VPS36: variants seen among roughly 807,000 people sequenced by gnomAD.
VPS36 encodes the protein vacuolar protein sorting 36 homolog.
Under a neutral mutation model 63.5 loss-of-function variants are expected in VPS36, and 31 were observed. The ratio of observed to expected loss-of-function variants is 0.49; its 90% confidence interval spans 0.37 to 0.66. The LOEUF (loss-of-function observed/expected upper bound fraction) is 0.66. VPS36 is among the 30% of genes least tolerant of loss of function. The pLI is 0.00. For synonymous variants in VPS36, 138 were observed against 157.2 expected (o/e 0.88, Z 0.91); for missense variants, 338 against 463.7 (o/e 0.73, Z 2.49).
At position 52,444,328 on chromosome 13, in the gene VPS36, C is replaced by T. The variant is rs550321305; in HGVS notation, c.97-1883G>A. Among the ~76,000 whole-genome samples, 17 of 151,796 alleles carry T rather than the reference C, an allele frequency of 1.1e-4. No individual in the cohort carries two copies. In the South Asian group the frequency reaches 2.7e-3, roughly 24 times the overall value. ...ACAAAAAATTAGCCACGTGTGGTGG[C>T]GGGTGCCTGTAGTCCCAGCTACTCG... On this transcript the variant is annotated intron_variant, in intron 1 of 13. Transcript: ENST00000378060.
intron 2 of VPS36, among the ~76,000 whole-genome samples, chr13:52,442,012 C>T (rs964018225): frequency 2.0e-5 from 3 of 152,174 alleles, no homozygotes; most frequent in Non-Finnish European, 4.4e-5. Context: ...CATGATTCTC[C>T]ATCCAGTAAC....
chr13:52,428,593 T>C (rs1958126383), intron 6 of VPS36, among the ~76,000 whole-genome samples: 1 of 152,236 alleles, frequency 6.6e-6, no homozygotes, highest in African/African-American at 2.4e-5. Context: ...AAACCCTTTG[T>C]GAGAAACTCT....
chr13:52,433,764 G>T lies in VPS36; in HGVS notation c.442-16C>A. 1 of 1,574,500 alleles carries T rather than the reference G, an allele frequency of 6.4e-7. No individual in the cohort carries two copies. Among genetic ancestry groups the T allele is most frequent in the Non-Finnish European group, 8.6e-7 (1 of 1,162,936 alleles). ...TTCTTCCTGGCTGAAAAAAAAAAGAGGTAGAAAATAAAACATACAAAATAG... is the reference window on the plus strand; with the variant it reads ...TTCTTCCTGGCTGAAAAAAAAAAGATGTAGAAAATAAAACATACAAAATAG... On this transcript the variant is annotated splice_polypyrimidine_tract_variant and intron_variant, in intron 5 of 13. Transcript: ENST00000378060.
intron 8 of VPS36, 139 bp downstream of exon 8, chr13:52,426,850 G>A (rs1958106530): frequency 1.7e-6 from 1 of 579,196 alleles, no homozygotes; most frequent in African/African-American, 2.0e-5. Context: ...GCGACACTCC[G>A]TCTCATAAAT....
intron 6 of VPS36, among the ~76,000 whole-genome samples, chr13:52,431,831 G>C (rs1958161834): frequency 6.6e-6 from 1 of 151,340 alleles, no homozygotes; most frequent in Non-Finnish European, 1.5e-5. Flanking sequence ...TTCCGGATCT[G>C]AGGCAGGAAA....
At chr13:52,434,180 G>A (rs745434031) in intron 5 of VPS36, among the ~76,000 whole-genome samples, 8 of 152,066 alleles carry the variant, frequency 5.3e-5, no homozygotes, top group Non-Finnish European at 1.2e-4. Context: ...AGACAGGCCT[G>A]GAAAACATTA....
At chr13:52,441,277 T>C (rs1435152480) in intron 2 of VPS36, among the ~76,000 whole-genome samples, 2 of 152,156 alleles carry the variant, frequency 1.3e-5, no homozygotes, top group Non-Finnish European at 1.5e-5. Context: ...CAGTATATAG[T>C]TTATTTGTGG....
At chr13:52,418,889 C>G (rs1439951236) in intron 10 of VPS36, among the ~76,000 whole-genome samples, 1 of 152,168 alleles carries the variant, frequency 6.6e-6, no homozygotes, top group Non-Finnish European at 1.5e-5. Flanking sequence ...AGCTTTCAGT[C>G]CCACAGGATG....
chr13:52,425,087 A>C (rs1007199558), intron 9 of VPS36, among the ~76,000 whole-genome samples: 1 of 151,462 alleles, frequency 6.6e-6, no homozygotes, highest in Non-Finnish European at 1.5e-5. Context: ...TCTCTACTAA[A>C]AATACAAAAA....
chr13:52,426,832 G>A (rs1958106141), intron 8 of VPS36, among the ~76,000 whole-genome samples, 157 bp downstream of exon 8: 1 of 152,156 alleles, frequency 6.6e-6, no homozygotes, highest in African/African-American at 2.4e-5. Flanking sequence ...TCCAGCCTGG[G>A]CGACGGAGCG....
chr13:52,431,492 C>T (rs1053756497), intron 6 of VPS36, among the ~76,000 whole-genome samples: 2 of 152,016 alleles, frequency 1.3e-5, no homozygotes, highest in African/African-American at 4.8e-5. Flanking sequence ...GGTCTGGGCG[C>T]GGTGGCTCAT....
chr13:52,419,794 A>C (rs1004572629), intron 10 of VPS36, among the ~76,000 whole-genome samples: 1 of 152,228 alleles, frequency 6.6e-6, no homozygotes, highest in Non-Finnish European at 1.5e-5. Flanking sequence ...GCACAGAAAG[A>C]CAAATATCAC....
intron 6 of VPS36, 91 bp from the exon 7 acceptor site, chr13:52,427,310 A>T (rs887434102): frequency 1.4e-6 from 2 of 1,474,952 alleles, no homozygotes; most frequent in Admixed American, 1.9e-5. Flanking sequence ...TCCCCATAAA[A>T]ATTTGAAATT....
chr13:52,425,814 A>T, intron 9 of VPS36, 118 bp downstream of exon 9: 1 of 1,113,028 alleles, frequency 9.0e-7, no homozygotes, highest in East Asian at 2.8e-5. Context: ...AAGAAAAAAA[A>T]AACATGTCAG....
intron 5 of VPS36, among the ~76,000 whole-genome samples, chr13:52,434,430 C>T (rs1958192307): frequency 6.6e-6 from 1 of 152,118 alleles, no homozygotes. Flanking sequence ...GCAATCTTGG[C>T]TCACAGCAAC....
chr13:52,442,566 T>A, intron 1 of VPS36, 121 bp from the exon 2 acceptor site: 1 of 793,964 alleles, frequency 1.3e-6, no homozygotes, highest in East Asian at 2.9e-5. Flanking sequence ...ACTTTTAGAA[T>A]AGGCTTATCA....
intron 10 of VPS36, among the ~76,000 whole-genome samples, chr13:52,423,251 C>G (rs986906129): frequency 2.0e-5 from 3 of 152,068 alleles, no homozygotes; most frequent in African/African-American, 7.2e-5. Context: ...TATAGTACCC[C>G]ATGAATATGT....
chr13:52,441,020 C>A (rs771153122), intron 2 of VPS36, among the ~76,000 whole-genome samples: 7 of 152,132 alleles, frequency 4.6e-5, no homozygotes, highest in Admixed American at 6.6e-5. Flanking sequence ...GAATCTAATG[C>A]GTCTGCTGAT....
At position 52,444,516 on chromosome 13, in the gene VPS36, AT is replaced by A. The variant is rs137989149; in HGVS notation, c.97-2072del. 7.4e-3 allele frequency among the ~76,000 whole-genome samples: 1,090 copies of A among 147,734 alleles called. 6 individuals carry two copies. The highest frequency in any genetic ancestry group is 0.017 in the African/African-American group (678 of 40,736). On this transcript the variant is annotated intron_variant, in intron 1 of 13. Transcript: ENST00000378060. ...TACATATACATATATATGTATAAAA[AT>A]ATATATATTTATATATAAATACATA... is the stretch of plus-strand genomic sequence containing the variant.
Sources: gnomAD v4.1 joint callset for allele counts (sites outside exome capture counted in the v4.1 genomes callset) on GRCh38, gnomAD v4.1.1 for gene constraint, MANE v1.5 for transcripts, NCBI Gene and HGNC (gene_info 2026-07-23, HGNC 2026-07-21) for gene names.